DROSHA: variants seen among roughly 807,000 people sequenced by gnomAD.
The protein encoded by DROSHA is ribonuclease 3.
In DROSHA, 56 loss-of-function variants were observed where a neutral mutation model predicts 181.9. The observed-to-expected ratio is 0.31, with a 90% CI of 0.25 to 0.38. The LOEUF (loss-of-function observed/expected upper bound fraction) is 0.38, where lower values mean the gene tolerates loss of function less well. DROSHA is among the 10% of genes least tolerant of loss of function. DROSHA has a pLI of 1.00. For synonymous variants in DROSHA, 524 were observed against 591.2 expected (o/e 0.89, Z 1.65); for missense variants, 1,218 against 1,743.5 (o/e 0.70, Z 5.37).
chr5:31,486,054 A>T (rs545524948), intron 14 of DROSHA, among the ~76,000 whole-genome samples: 4 of 152,364 alleles, frequency 2.6e-5, no homozygotes, highest in Admixed American at 6.5e-5. Context: ...ACTCGCAATG[A>T]AAAACAATTA....
chr5:31,448,669 T>A (rs1746589776), intron 22 of DROSHA, 62 bp from the exon 23 acceptor site: 5 of 1,299,510 alleles, frequency 3.8e-6, no homozygotes, highest in Non-Finnish European at 5.5e-6. Flanking sequence ...AGGACCATCA[T>A]ATTACAGTAG....
Position 31,468,499 on chromosome 5 carries a change from T to C in DROSHA, c.2242-436A>G, listed in dbSNP as rs186874390. Among the ~76,000 whole-genome samples, 14 of 152,364 alleles carry C rather than the reference T, an allele frequency of 9.2e-5. No individual in the cohort carries two copies. The East Asian group carries it at 2.3e-3, about 25-fold the overall frequency. On this transcript the variant is annotated intron_variant, in intron 17 of 35. Coordinates refer to ENST00000344624, the MANE Select transcript of DROSHA (RefSeq NM_001382508.1). ...TCACTTGTTCTCAGTGGATCTTATG[T>C]ATTCCTTTAATTCTACATCTTTAAG... is the stretch of plus-strand genomic sequence containing the variant.
At chr5:31,475,530 C>CA (rs1750263667) in intron 16 of DROSHA, among the ~76,000 whole-genome samples, 1 of 152,264 alleles carries the variant, frequency 6.6e-6, no homozygotes, top group Admixed American at 6.5e-5. Context: ...GTTGTCTATA[C>CA]ACTTCACATG....
rs781077537 is a variant in DROSHA, at chr5:31,435,808, C to T, written c.2999G>A (p.Arg1000Gln). The change falls in exon 25 of 36, where the codon CGG becomes CAG. Residue 1000 changes from arginine (R) to glutamine (Q), a missense_variant. Transcript: ENST00000344624. ...SLEEGGLATY[R>Q]TAIVQNQHLA... is the part of the protein sequence containing the mutation. ...GTGCTGATTCTGAACAATGGCAGTCCGATAGGTTGCTAATCCTCCTTCTTC... is the reference window on the plus strand; with the variant it reads ...GTGCTGATTCTGAACAATGGCAGTCTGATAGGTTGCTAATCCTCCTTCTTC... 5 of 1,613,674 alleles carry T rather than the reference C, an allele frequency of 3.1e-6. No homozygotes were observed. Among genetic ancestry groups the T allele is most frequent in the Non-Finnish European group, 4.2e-6 (5 of 1,179,804 alleles).
At chr5:31,464,903 T>C (rs749969602) in intron 19 of DROSHA, among the ~76,000 whole-genome samples, 24 of 152,164 alleles carry the variant, frequency 1.6e-4, no homozygotes, top group Non-Finnish European at 3.4e-4. Context: ...AAAATAATTG[T>C]ATATTTGCAT....
At chr5:31,414,272 A>T (rs986563757) in intron 30 of DROSHA, among the ~76,000 whole-genome samples, 1 of 152,196 alleles carries the variant, frequency 6.6e-6, no homozygotes. Context: ...CAAGACATGA[A>T]GTTGAAAAGC....
chr5:31,428,652 A>T (rs1378621192), intron 27 of DROSHA, among the ~76,000 whole-genome samples: 2 of 152,202 alleles, frequency 1.3e-5, no homozygotes, highest in African/African-American at 4.8e-5. Flanking sequence ...TTTTTTAAAA[A>T]AACTACCCAA....
At chr5:31,438,440 A>T (rs1198234181) in intron 23 of DROSHA, among the ~76,000 whole-genome samples, 1 of 152,188 alleles carries the variant, frequency 6.6e-6, no homozygotes, top group Non-Finnish European at 1.5e-5. Flanking sequence ...GCTGAAAATA[A>T]GTATTGATAG....
intron 29 of DROSHA, among the ~76,000 whole-genome samples, chr5:31,422,531 G>C (rs1263362584): frequency 6.6e-6 from 1 of 152,170 alleles, no homozygotes; most frequent in Non-Finnish European, 1.5e-5. Flanking sequence ...GTCCTGCTGG[G>C]AAAAAGTTTA....
chr5:31,506,066 A>G (rs1016708320), intron 10 of DROSHA, among the ~76,000 whole-genome samples: 1 of 152,236 alleles, frequency 6.6e-6, no homozygotes, highest in Non-Finnish European at 1.5e-5. Flanking sequence ...GATTTCATCA[A>G]AAGTTGTAAC....
chr5:31,401,429 C>A lies in DROSHA; in HGVS notation c.*3G>T. ...TAAATACTCCACACTTGCATGCCCT[C>A]CTTTATTTCTTGATGTCTTCAGTCT... On this transcript the variant is annotated 3_prime_UTR_variant, in exon 36 of 36. Transcript: ENST00000344624. 6.2e-7 allele frequency: 1 copy of A among 1,611,926 alleles called. No homozygotes were observed. Among genetic ancestry groups the A allele is most frequent in the Non-Finnish European group, 8.5e-7 (1 of 1,178,564 alleles).
chr5:31,473,956 A>G (rs6898281), intron 16 of DROSHA, among the ~76,000 whole-genome samples: 137,748 of 152,162 alleles, frequency 0.91, 62,938 homozygotes, highest in Non-Finnish European at 0.97. Context: ...CATGTTTTTC[A>G]CCATATGTGC....
At chr5:31,496,493 C>A (rs1378357840) in intron 11 of DROSHA, among the ~76,000 whole-genome samples, 3 of 152,200 alleles carry the variant, frequency 2.0e-5, no homozygotes, top group East Asian at 1.9e-4. Flanking sequence ...GCTCTCCCAG[C>A]GGTGCCCCAG....
chr5:31,448,337 T>C (rs547080990), intron 23 of DROSHA, among the ~76,000 whole-genome samples: 2 of 152,258 alleles, frequency 1.3e-5, no homozygotes, highest in African/African-American at 4.8e-5. Context: ...TTGCCTAGGA[T>C]TGGGCAGGCT....
chr5:31,459,956 C>T (rs1371973844), intron 20 of DROSHA, among the ~76,000 whole-genome samples: 1 of 152,058 alleles, frequency 6.6e-6, no homozygotes, highest in African/African-American at 2.4e-5. Context: ...ACTGGTGATG[C>T]GACTGTGATG....
rs1345125647 is a variant in DROSHA, at chr5:31,515,455, G to A, written c.1057C>T (p.His353Tyr). The A allele has an allele frequency of 1.5e-6, 2 of 1,297,926 alleles. No individual in the cohort carries two copies. The highest frequency in any genetic ancestry group is 2.9e-5 in the African/African-American group (2 of 68,634). 80.4% of individuals were successfully genotyped at this position (1,297,926 alleles called of 1,614,324 possible). A position where few individuals can be genotyped will look rare whatever the true frequency, so the allele number is the denominator to read the frequency against. The change falls in exon 7 of 36, where the codon CAT becomes TAT. Residue 353 changes from histidine (H) to tyrosine (Y), a missense_variant and splice_region_variant. Physicochemically the swap from His to Tyr is moderately conservative, Grantham distance 83. Coordinates refer to ENST00000344624, the MANE Select transcript of DROSHA (RefSeq NM_001382508.1). ...AGGCCCCACCCCAGATCTACTTACT[G>A]ATTCACAATCTCCAGGGGTGGGGCC... ...SWAPPLEIVNHRSPSREKKRA... is the reference protein window; with the variant it reads ...SWAPPLEIVNYRSPSREKKRA...
chr5:31,419,141 C>T (rs960293697), intron 30 of DROSHA, among the ~76,000 whole-genome samples: 2 of 152,104 alleles, frequency 1.3e-5, no homozygotes, highest in Non-Finnish European at 2.9e-5. Context: ...CAGGAAAGTG[C>T]ACCGTGACAG....
chr5:31,404,061 G>A (rs1166848061), intron 35 of DROSHA, among the ~76,000 whole-genome samples: 1 of 151,358 alleles, frequency 6.6e-6, no homozygotes, highest in Non-Finnish European at 1.5e-5. Context: ...AGCACTATAA[G>A]TGCATGCCAC....
intron 20 of DROSHA, among the ~76,000 whole-genome samples, chr5:31,454,680 C>A (rs1011697922): frequency 6.6e-6 from 1 of 152,020 alleles, no homozygotes; most frequent in Admixed American, 6.6e-5. Flanking sequence ...GTGGTTCACA[C>A]CTGTAATCCC....
Sources: allele counts gnomAD v4.1 joint callset (sites outside exome capture counted in the v4.1 genomes callset), GRCh38; gene constraint gnomAD v4.1.1; transcripts MANE v1.5; gene names NCBI Gene and HGNC (gene_info 2026-07-23, HGNC 2026-07-21).